The following NLGN1 variants were observed in gnomAD, a reference collection of about 807,000 sequenced individuals.
NLGN1 encodes the protein neuroligin-1.
NLGN1 carries 12 observed loss-of-function variants against 65.5 expected under a neutral mutation model. The observed-to-expected ratio is 0.18, with a 90% confidence interval of 0.12 to 0.30. The LOEUF (loss-of-function observed/expected upper bound fraction) is 0.30. Ranked by LOEUF, NLGN1 falls within the 10% of genes least tolerant of loss-of-function variation. The pLI, the probability that NLGN1 is intolerant of heterozygous loss-of-function variation, is 1.00. For missense variants in NLGN1, 750 were observed against 1,007.1 expected (o/e 0.74, Z 3.46); for synonymous variants, 350 against 359.5 (o/e 0.97, Z 0.30).
intron 2 of NLGN1, among the ~76,000 whole-genome samples, chr3:173,487,357 T>C (rs1303498128): frequency 6.6e-6 from 1 of 152,074 alleles, no homozygotes; most frequent in African/African-American, 2.4e-5. Context: ...GTTTGTATGC[T>C]GTTAAATCCT....
At chr3:174,146,728 G>A (rs948347968) in intron 4 of NLGN1, among the ~76,000 whole-genome samples, 3 of 151,766 alleles carry the variant, frequency 2.0e-5, no homozygotes, top group African/African-American at 4.8e-5. Flanking sequence ...CCACTGCGCC[G>A]GGCTAATTTT....
At chr3:174,241,012 C>T (rs1742701240) in intron 4 of NLGN1, among the ~76,000 whole-genome samples, 1 of 152,142 alleles carries the variant, frequency 6.6e-6, no homozygotes, top group African/African-American at 2.4e-5. Context: ...TTGTAACTTA[C>T]TTCATAGTCA....
At chr3:174,129,896 GAAC>G (rs1719800273) in intron 4 of NLGN1, among the ~76,000 whole-genome samples, 1 of 152,176 alleles carries the variant, frequency 6.6e-6, no homozygotes, top group Non-Finnish European at 1.5e-5. Context: ...ATTTTCAAAT[GAAC>G]AATATCTTTA....
At chr3:174,074,090 C>A (rs1323711747) in intron 4 of NLGN1, among the ~76,000 whole-genome samples, 2 of 152,014 alleles carry the variant, frequency 1.3e-5, no homozygotes, top group Non-Finnish European at 2.9e-5. Context: ...GAATAGAATT[C>A]TTTTGGGAAT....
At chr3:173,685,617 A>C (rs1423189852) in intron 3 of NLGN1, 1 of 983,020 alleles carries the variant, frequency 1.0e-6, no homozygotes, top group Non-Finnish European at 1.2e-6. Context: ...GATAGGCTGG[A>C]AGTCAATGAT....
At chr3:174,099,805 C>G (rs6798795) in intron 4 of NLGN1, among the ~76,000 whole-genome samples, 1 of 151,924 alleles carries the variant, frequency 6.6e-6, no homozygotes, top group Non-Finnish European at 1.5e-5. Flanking sequence ...TTAGTTAATT[C>G]TTATATCTCA....
At chr3:174,024,766 T>C (rs1728520723) in intron 4 of NLGN1, among the ~76,000 whole-genome samples, 1 of 152,228 alleles carries the variant, frequency 6.6e-6, no homozygotes, top group African/African-American at 2.4e-5. Flanking sequence ...TCTTGAATTC[T>C]TTTATCTGCT....
At chr3:173,631,034 G>A (rs1755604402) in intron 3 of NLGN1, among the ~76,000 whole-genome samples, 1 of 152,080 alleles carries the variant, frequency 6.6e-6, no homozygotes, top group Non-Finnish European at 1.5e-5. Flanking sequence ...ATGAAGTTCT[G>A]CTGTGACTGC....
chr3:173,463,254 T>C (rs542201896), intron 2 of NLGN1, among the ~76,000 whole-genome samples: 2 of 152,356 alleles, frequency 1.3e-5, no homozygotes, highest in South Asian at 2.1e-4. Context: ...AAAAGGATTA[T>C]ATTGTTCAAA....
intron 4 of NLGN1, among the ~76,000 whole-genome samples, chr3:173,983,885 A>G (rs1422763092): frequency 6.6e-6 from 1 of 152,178 alleles, no homozygotes; most frequent in East Asian, 1.9e-4. Context: ...CTCCACTAGC[A>G]CAATAGCTTT....
intron 2 of NLGN1, among the ~76,000 whole-genome samples, chr3:173,565,657 A>G (rs1256520575): frequency 6.6e-6 from 1 of 152,218 alleles, no homozygotes; most frequent in Non-Finnish European, 1.5e-5. Flanking sequence ...ACCACAGAGA[A>G]AAAAGCAGCA....
chr3:173,433,645 A>T (rs1280847632), intron 1 of NLGN1, among the ~76,000 whole-genome samples: 2 of 151,548 alleles, frequency 1.3e-5, no homozygotes, highest in Admixed American at 1.3e-4. Context: ...TTCTCCCTTT[A>T]TTGCTGGTAC....
chr3:174,184,866 G>C (rs1237393389), intron 4 of NLGN1, among the ~76,000 whole-genome samples: 1 of 152,134 alleles, frequency 6.6e-6, no homozygotes, highest in Non-Finnish European at 1.5e-5. Flanking sequence ...GGGATGGAAA[G>C]ATTAAAAAGA....
At chr3:173,917,478 A>G (rs917546472) in intron 4 of NLGN1, among the ~76,000 whole-genome samples, 1 of 152,212 alleles carries the variant, frequency 6.6e-6, no homozygotes, top group African/African-American at 2.4e-5. Flanking sequence ...TTTTGCCTAA[A>G]TTTTTAATAC....
chr3:173,945,303 A>C (rs924881462), intron 4 of NLGN1, among the ~76,000 whole-genome samples: 2 of 151,948 alleles, frequency 1.3e-5, no homozygotes, highest in Admixed American at 1.3e-4. Flanking sequence ...TTCCTCCTAC[A>C]CCTCTATCCT....
chr3:174,199,485 AG>A (rs1734052561), intron 4 of NLGN1, among the ~76,000 whole-genome samples: 1 of 148,616 alleles, frequency 6.7e-6, no homozygotes, highest in Non-Finnish European at 1.5e-5. Flanking sequence ...TGCCTTACAG[AG>A]GGGAGTAAGT....
intron 2 of NLGN1, among the ~76,000 whole-genome samples, chr3:173,492,476 G>GA (rs1378159883): frequency 6.6e-6 from 1 of 151,598 alleles, no homozygotes; most frequent in African/African-American, 2.4e-5. Flanking sequence ...TTTGATTGAA[G>GA]AAAAAAATGA....
intron 3 of NLGN1, among the ~76,000 whole-genome samples, chr3:173,609,850 G>T (rs915677253): frequency 7.2e-5 from 11 of 151,922 alleles, no homozygotes; most frequent in African/African-American, 2.7e-4. Flanking sequence ...TGCTGGTATG[G>T]AGAGTGAAAA....
intron 2 of NLGN1, among the ~76,000 whole-genome samples, chr3:173,439,051 CT>C (rs1718667649): frequency 6.6e-6 from 1 of 152,070 alleles, no homozygotes; most frequent in Non-Finnish European, 1.5e-5. Context: ...TATTAAATTC[CT>C]CTCTTGGATA....
Sources: gnomAD v4.1 joint callset for allele counts (sites outside exome capture counted in the v4.1 genomes callset) on GRCh38, gnomAD v4.1.1 for gene constraint, MANE v1.5 for transcripts, NCBI Gene and HGNC (gene_info 2026-07-23, HGNC 2026-07-21) for gene names.